APELA: variants seen among roughly 807,000 people sequenced by gnomAD.
APELA encodes the protein protein Elabela.
At chr4:164,894,135 C>T (rs1730929401) in intron 2 of APELA, among the ~76,000 whole-genome samples, 2 of 152,072 alleles carry the variant, frequency 1.3e-5, no homozygotes, top group Non-Finnish European at 2.9e-5. Context: ...CTAGCCTGGC[C>T]AACATGGCAA....
intron 2 of APELA, among the ~76,000 whole-genome samples, chr4:164,890,588 C>A (rs1471094039): frequency 1.3e-5 from 2 of 152,198 alleles, no homozygotes; most frequent in African/African-American, 4.8e-5. Context: ...CTCTAATTTA[C>A]GACTGAATAC....
rs554692406 is a variant in APELA, at chr4:164,897,476, T to C, written c.*2062T>C. 1 of 152,362 alleles carries C rather than the reference T, an allele frequency of 6.6e-6. No homozygotes were observed. The highest frequency in any genetic ancestry group is 2.4e-5 in the African/African-American group (1 of 41,588). The allele number at this position is 152,362 out of a possible 1,614,324, so 9.4% of individuals were successfully genotyped here. A position where few individuals can be genotyped will look rare whatever the true frequency, so the allele number is the denominator to read the frequency against. On this transcript the variant is annotated 3_prime_UTR_variant, in exon 3 of 3. Coordinates refer to ENST00000507152, the MANE Select transcript of APELA (RefSeq NM_001297550.2). ...AATCAGTTTTACTATTGTAAAGTAA[T>C]GAAATGGTTATACATTTCTTAATTG...
chr4:164,895,165 T>C (rs969390150), intron 2 of APELA, among the ~76,000 whole-genome samples: 4 of 152,282 alleles, frequency 2.6e-5, no homozygotes, highest in Admixed American at 2.6e-4. Flanking sequence ...GCCACTGCAC[T>C]CCAGCCTGGG....
chr4:164,881,767 G>T (rs1010291583), intron 2 of APELA, among the ~76,000 whole-genome samples: 1 of 152,004 alleles, frequency 6.6e-6, no homozygotes, highest in Admixed American at 6.5e-5. Context: ...AGGTCCAGTG[G>T]CTCATGCCTA....
chr4:164,889,779 A>G (rs1730846621), intron 2 of APELA, among the ~76,000 whole-genome samples: 1 of 152,222 alleles, frequency 6.6e-6, no homozygotes, highest in Non-Finnish European at 1.5e-5. Context: ...GAAAAAAAAC[A>G]GAATGGCAGT....
rs1033149617 is a variant in APELA, at chr4:164,892,568, A to G, written c.*2-2848A>G. Reference sequence around the variant, plus strand: ...GGATTTTTACAGCTACATTCATAAGAAATATTGGTCTGCACTTTTCTTATG... The same window carrying G: ...GGATTTTTACAGCTACATTCATAAGGAATATTGGTCTGCACTTTTCTTATG... On this transcript the variant is annotated intron_variant, in intron 2 of 2. Transcript: ENST00000507152. Among the ~76,000 whole-genome samples the G allele has an allele frequency of 3.9e-5, 6 of 152,166 alleles. No homozygotes were observed. In the South Asian group the frequency reaches 6.2e-4, roughly 16 times the overall value.
At chr4:164,889,507 T>C (rs17435535) in intron 2 of APELA, among the ~76,000 whole-genome samples, 11,810 of 152,210 alleles carry the variant, frequency 0.078, 1,376 homozygotes, top group African/African-American at 0.26. Flanking sequence ...ACTACGTTTA[T>C]CTTTTACTTA....
chr4:164,894,925 C>T (rs947247497), intron 2 of APELA, among the ~76,000 whole-genome samples: 2 of 152,184 alleles, frequency 1.3e-5, no homozygotes, highest in African/African-American at 4.8e-5. Context: ...TCATAGTTAA[C>T]ACCCCACTAT....
chr4:164,881,347 A>G (rs1730649687), intron 2 of APELA, among the ~76,000 whole-genome samples: 1 of 152,172 alleles, frequency 6.6e-6, no homozygotes, highest in South Asian at 2.1e-4. Flanking sequence ...TAAACAATTG[A>G]CTTTGAAAGT....
chr4:164,883,487 T>TC (rs1363407127), intron 2 of APELA, among the ~76,000 whole-genome samples: 8 of 146,770 alleles, frequency 5.5e-5, no homozygotes, highest in African/African-American at 1.0e-4. Context: ...AGTCTTTCTT[T>TC]TTCTTTTTTT....
At chr4:164,877,975 A>G (rs1730585424) in intron 1 of APELA, among the ~76,000 whole-genome samples, 1 of 152,184 alleles carries the variant, frequency 6.6e-6, no homozygotes, top group African/African-American at 2.4e-5. Flanking sequence ...CATCAAAAAT[A>G]TGTATGATAA....
At chr4:164,882,161 T>G (rs1205985275) in intron 2 of APELA, among the ~76,000 whole-genome samples, 1 of 152,126 alleles carries the variant, frequency 6.6e-6, no homozygotes, top group East Asian at 1.9e-4. Flanking sequence ...TGGAGTGCAA[T>G]GGTGCCATCT....
intron 2 of APELA, among the ~76,000 whole-genome samples, chr4:164,881,204 T>C (rs529276627): frequency 6.6e-6 from 1 of 152,350 alleles, no homozygotes; most frequent in South Asian, 2.1e-4. Flanking sequence ...ACTGTAAACC[T>C]AGGTAGTGGA....
At chr4:164,882,170 C>T (rs558507235) in intron 2 of APELA, among the ~76,000 whole-genome samples, 2 of 152,202 alleles carry the variant, frequency 1.3e-5, no homozygotes, top group South Asian at 4.1e-4. Context: ...ATGGTGCCAT[C>T]TCGGCTCACC....
At position 164,884,083 on chromosome 4, in the gene APELA, AG is replaced by A. The variant is rs1437699714; in HGVS notation, c.*1+5076del. ...AGGGAAAGAAGGAGAGAAAGAAAGA[AG>A]GAAAAAAAGAAAGAAAGAATGAAAG... On this transcript the variant is annotated intron_variant, in intron 2 of 2. Transcript: ENST00000507152. Among the ~76,000 whole-genome samples, 65 of 125,528 alleles carry A rather than the reference AG, an allele frequency of 5.2e-4. 1 individual carries two copies. Among genetic ancestry groups the A allele is most frequent in the African/African-American group, 1.7e-3 (54 of 31,260 alleles). 82.4% of individuals were successfully genotyped at this position (125,528 alleles called of 152,430 possible). A position where few individuals can be genotyped will look rare whatever the true frequency, so the allele number is the denominator to read the frequency against.
At chr4:164,884,653 G>T (rs964278738) in intron 2 of APELA, among the ~76,000 whole-genome samples, 1 of 151,454 alleles carries the variant, frequency 6.6e-6, no homozygotes, top group Non-Finnish European at 1.5e-5. Flanking sequence ...GATCATTGTT[G>T]GTAAGTCATT....
intron 2 of APELA, among the ~76,000 whole-genome samples, chr4:164,882,284 G>A (rs1215743413): frequency 6.6e-6 from 1 of 151,874 alleles, no homozygotes; most frequent in African/African-American, 2.4e-5. Context: ...TGTATTTTTA[G>A]TAGAGACAGG....
At chr4:164,892,936 A>C (rs1730910260) in intron 2 of APELA, among the ~76,000 whole-genome samples, 1 of 151,924 alleles carries the variant, frequency 6.6e-6, no homozygotes, top group Admixed American at 6.6e-5. Flanking sequence ...TGTTTCTGTA[A>C]GGTTAGTAGT....
chr4:164,882,965 A>G (rs1730690529), intron 2 of APELA, among the ~76,000 whole-genome samples: 1 of 152,152 alleles, frequency 6.6e-6, no homozygotes, highest in Admixed American at 6.5e-5. Context: ...GTGTTAATAC[A>G]TTATTTTTAA....
Sources: allele counts gnomAD v4.1 joint callset (sites outside exome capture counted in the v4.1 genomes callset), GRCh38; gene constraint gnomAD v4.1.1; transcripts MANE v1.5; gene names NCBI Gene and HGNC (gene_info 2026-07-23, HGNC 2026-07-21).